ANKRD33B: variants seen among roughly 807,000 people sequenced by gnomAD.
ANKRD33B encodes the protein ankyrin repeat domain 33B.
ANKRD33B carries 6 observed loss-of-function variants against 21.5 expected under a neutral mutation model. The observed-to-expected ratio is 0.28, with a 90% CI of 0.15 to 0.55. The LOEUF (loss-of-function observed/expected upper bound fraction) is 0.55, where lower values mean the gene tolerates loss of function less well. Ranked by LOEUF, ANKRD33B falls within the 20% of genes least tolerant of loss-of-function variation. The pLI, the probability that ANKRD33B is intolerant of heterozygous loss-of-function variation, is 0.94. For missense variants in ANKRD33B, 698 were observed against 747.2 expected, an observed-to-expected ratio of 0.93 and a Z score of 0.77; for synonymous variants, 347 against 342.4, an observed-to-expected ratio of 1.01 and a Z score of -0.15.
At chr5:10,611,777 C>T (rs532440709) in intron 1 of ANKRD33B, among the ~76,000 whole-genome samples, 7 of 152,286 alleles carry the variant, frequency 4.6e-5, no homozygotes, top group Admixed American at 2.6e-4. Context: ...GATGGCATAT[C>T]GTAGAAATTG....
intron 1 of ANKRD33B, among the ~76,000 whole-genome samples, chr5:10,573,996 TA>T (rs1735261060): frequency 6.6e-6 from 1 of 152,168 alleles, no homozygotes; most frequent in Admixed American, 6.5e-5. Flanking sequence ...CCATCACAAA[TA>T]AAAGGGGCCT....
intron 1 of ANKRD33B, among the ~76,000 whole-genome samples, chr5:10,605,718 A>G (rs953560399): frequency 2.6e-5 from 4 of 151,938 alleles, no homozygotes; most frequent in African/African-American, 9.7e-5. Context: ...TAGTAGAGAC[A>G]GGGTTTCACC....
At chr5:10,632,428 TG>T (rs1736744328) in intron 2 of ANKRD33B, among the ~76,000 whole-genome samples, 1 of 152,168 alleles carries the variant, frequency 6.6e-6, no homozygotes, top group Non-Finnish European at 1.5e-5. Flanking sequence ...CACCTCTTTG[TG>T]TCCCCCAACG....
chr5:10,577,102 T>C (rs952935428), intron 1 of ANKRD33B, among the ~76,000 whole-genome samples: 12 of 151,412 alleles, frequency 7.9e-5, no homozygotes, highest in Non-Finnish European at 1.5e-4. Context: ...CCCTTCCCCT[T>C]CCCCTTTCCC....
chr5:10,637,494 G>A (rs895806914), intron 2 of ANKRD33B, among the ~76,000 whole-genome samples: 17 of 147,268 alleles, frequency 1.2e-4, no homozygotes, highest in Admixed American at 1.0e-3. Flanking sequence ...TGGTGGGTAA[G>A]GGTGGAGAGA....
chr5:10,565,976 C>T (rs1735043974), intron 1 of ANKRD33B, among the ~76,000 whole-genome samples: 2 of 152,130 alleles, frequency 1.3e-5, no homozygotes, highest in South Asian at 4.1e-4. Flanking sequence ...AGTGGTTTGC[C>T]CTGACTGTGG....
chr5:10,640,821 G>A (rs1227917521), intron 3 of ANKRD33B, among the ~76,000 whole-genome samples: 1 of 152,216 alleles, frequency 6.6e-6, no homozygotes, highest in Non-Finnish European at 1.5e-5. Context: ...GGGAGGCTGA[G>A]AAGTCCAAGA....
At chr5:10,591,643 T>C (rs1470362474) in intron 1 of ANKRD33B, among the ~76,000 whole-genome samples, 1 of 152,206 alleles carries the variant, frequency 6.6e-6, no homozygotes, top group Non-Finnish European at 1.5e-5. Context: ...GTTAAGCATA[T>C]GGTGTCTCAT....
chr5:10,624,786 C>A (rs1454609541), intron 2 of ANKRD33B: 4 of 456,684 alleles, frequency 8.8e-6, no homozygotes, highest in Non-Finnish European at 1.8e-5. Context: ...CTTGCGCCTC[C>A]GGCGTCAGCA....
In ANKRD33B at chr5:10,618,330, T is replaced by C. The variant is rs1736335032; in HGVS notation, c.367-3T>C. ...CTGACCCGCTTCCCCTCTTCATTTC[T>C]AGACCGGCCTTATTGTCGCCTGCTA... On this transcript the variant is annotated splice_polypyrimidine_tract_variant and splice_region_variant and intron_variant, in intron 1 of 3. Coordinates refer to ENST00000296657, the MANE Select transcript of ANKRD33B (RefSeq NM_001164440.2). The C allele has an allele frequency of 4.6e-6, 7 of 1,537,026 alleles. No individual in the cohort carries two copies. In the East Asian group the frequency reaches 1.7e-4, roughly 37 times the overall value.
At chr5:10,626,939 T>C (rs1360059077) in intron 2 of ANKRD33B, among the ~76,000 whole-genome samples, 1 of 152,216 alleles carries the variant, frequency 6.6e-6, no homozygotes, top group Non-Finnish European at 1.5e-5. Context: ...GTTTATATTA[T>C]TTGCTATGGC....
chr5:10,640,022 C>T lies in ANKRD33B; in HGVS notation c.637+1854C>T, dbSNP rs1356973059. Among the ~76,000 whole-genome samples, 38 of 64,394 alleles carry T rather than the reference C, an allele frequency of 5.9e-4. 2 individuals carry two copies. The highest frequency in any genetic ancestry group is 8.0e-4 in the Non-Finnish European group (24 of 29,960). The allele number at this position is 64,394 out of a possible 152,430, so 42.2% of individuals were successfully genotyped here. On this transcript the variant is annotated intron_variant, in intron 3 of 3. Transcript: ENST00000296657. ...TAGCGGGTGACGTGGAGTTGCGCGG[C>T]GATGTTAGCGGGTGACGTGGAGTTG...
chr5:10,633,791 G>A (rs1326193889), intron 2 of ANKRD33B, among the ~76,000 whole-genome samples: 6 of 152,172 alleles, frequency 3.9e-5, no homozygotes, highest in Non-Finnish European at 7.3e-5. Flanking sequence ...CGTGCCTGAT[G>A]CTTTTCTTGT....
At chr5:10,637,463 CGG>C (rs1736897531) in intron 2 of ANKRD33B, among the ~76,000 whole-genome samples, 1 of 113,844 alleles carries the variant, frequency 8.8e-6, no homozygotes, top group Non-Finnish European at 1.8e-5. Context: ...CACACACACA[CGG>C]CGGCGGGGGG....
At chr5:10,614,303 A>G (rs938329777) in intron 1 of ANKRD33B, among the ~76,000 whole-genome samples, 5 of 152,346 alleles carry the variant, frequency 3.3e-5, no homozygotes, top group Admixed American at 2.0e-4. Context: ...TATCAGTCTC[A>G]TTTAAAGAAT....
chr5:10,573,602 C>G (rs1292323230), intron 1 of ANKRD33B, among the ~76,000 whole-genome samples: 1 of 152,152 alleles, frequency 6.6e-6, no homozygotes, highest in African/African-American at 2.4e-5. Flanking sequence ...GTTTAATTGA[C>G]TCACAGTTCC....
At chr5:10,606,894 C>A (rs1162929908) in intron 1 of ANKRD33B, among the ~76,000 whole-genome samples, 1 of 151,706 alleles carries the variant, frequency 6.6e-6, no homozygotes, top group Admixed American at 6.6e-5. Context: ...ACACCTGGCT[C>A]ATTTTTTTGT....
intron 2 of ANKRD33B, among the ~76,000 whole-genome samples, chr5:10,634,213 C>T (rs1430161076): frequency 7.2e-5 from 11 of 152,328 alleles, no homozygotes; most frequent in African/African-American, 2.6e-4. Context: ...TGGCTGTTCT[C>T]AGAGCCAGCT....
intron 1 of ANKRD33B, among the ~76,000 whole-genome samples, chr5:10,609,069 G>A (rs1736110958): frequency 6.6e-6 from 1 of 152,180 alleles, no homozygotes; most frequent in African/African-American, 2.4e-5. Flanking sequence ...AGTGGCTGTG[G>A]AACACAGTGC....
Sources: allele counts gnomAD v4.1 joint callset (sites outside exome capture counted in the v4.1 genomes callset), GRCh38; gene constraint gnomAD v4.1.1; transcripts MANE v1.5; gene names NCBI Gene and HGNC (gene_info 2026-07-23, HGNC 2026-07-21).